Variants in TATDN2 observed in about 807,000 individuals in gnomAD.
The protein encoded by TATDN2 is 3'-5' RNA nuclease TATDN2.
TATDN2 carries 44 observed loss-of-function variants against 60.3 expected under a neutral mutation model. The observed-to-expected ratio is 0.73, with a 90% confidence interval of 0.57 to 0.94. The LOEUF (loss-of-function observed/expected upper bound fraction) is 0.94, where lower values mean the gene tolerates loss of function less well. TATDN2 is among the 40% of genes least tolerant of loss of function. The pLI, the probability that TATDN2 is intolerant of heterozygous loss-of-function variation, is 0.00. For synonymous variants in TATDN2, 399 were observed against 355.8 expected (o/e 1.12, Z -1.37); for missense variants, 997 against 948.0 (o/e 1.05, Z -0.68).
intron 4 of TATDN2, among the ~76,000 whole-genome samples, chr3:10,271,412 C>T (rs1334685371): frequency 6.6e-6 from 1 of 152,170 alleles, no homozygotes; most frequent in Non-Finnish European, 1.5e-5. Context: ...CTCCTGGGTT[C>T]AAACTGTTTT....
intron 4 of TATDN2, among the ~76,000 whole-genome samples, chr3:10,273,231 G>T (rs1698591307): frequency 6.6e-6 from 1 of 152,172 alleles, no homozygotes; most frequent in Non-Finnish European, 1.5e-5. Flanking sequence ...TGCCTGTAAA[G>T]GGGAGGAAGA....
At chr3:10,273,573 TAGTG>T (rs1698595862) in intron 4 of TATDN2, among the ~76,000 whole-genome samples, 2 of 148,632 alleles carry the variant, frequency 1.3e-5, no homozygotes, top group South Asian at 2.2e-4. Context: ...CAAGGCAACA[TAGTG>T]AGACCCCATC....
At chr3:10,268,193 C>T (rs1328942499) in intron 3 of TATDN2, among the ~76,000 whole-genome samples, 1 of 152,190 alleles carries the variant, frequency 6.6e-6, no homozygotes, top group Non-Finnish European at 1.5e-5. Flanking sequence ...ATATTTCTGC[C>T]ATTCAAGCAG....
intron 2 of TATDN2, among the ~76,000 whole-genome samples, chr3:10,253,018 G>A (rs1047215493): frequency 6.6e-6 from 1 of 152,002 alleles, no homozygotes; most frequent in Non-Finnish European, 1.5e-5. Flanking sequence ...CACCATGTCC[G>A]GCTAATTTTT....
intron 3 of TATDN2, among the ~76,000 whole-genome samples, chr3:10,268,709 T>A (rs1292082074): frequency 6.6e-6 from 1 of 152,212 alleles, no homozygotes; most frequent in Non-Finnish European, 1.5e-5. Flanking sequence ...TTGATGGAGA[T>A]GTGATGCTAA....
At chr3:10,258,070 C>G (rs968481151) in intron 2 of TATDN2, among the ~76,000 whole-genome samples, 2 of 150,392 alleles carry the variant, frequency 1.3e-5, no homozygotes, top group Non-Finnish European at 3.0e-5. Context: ...CTGTGTTAGC[C>G]AGGATGGTCT....
chr3:10,252,452 T>A (rs1698245064), intron 2 of TATDN2, among the ~76,000 whole-genome samples: 1 of 152,170 alleles, frequency 6.6e-6, no homozygotes, highest in African/African-American at 2.4e-5. Flanking sequence ...GGAGTATATG[T>A]TTGTCAGTTT....
At chr3:10,267,270 C>T (rs1037458926) in intron 3 of TATDN2, among the ~76,000 whole-genome samples, 6 of 149,930 alleles carry the variant, frequency 4.0e-5, no homozygotes, top group Non-Finnish European at 8.9e-5. Flanking sequence ...CCACACCCCC[C>T]GACAAAAAAA....
At chr3:10,276,591 C>G (rs1698641391) in intron 5 of TATDN2, 103 bp downstream of exon 5, 4 of 1,108,942 alleles carry the variant, frequency 3.6e-6, no homozygotes, top group African/African-American at 3.3e-5. Flanking sequence ...ACTATCTATT[C>G]TTTTTTTTTT....
intron 2 of TATDN2, among the ~76,000 whole-genome samples, chr3:10,250,727 T>C (rs1698222950): frequency 2.6e-5 from 4 of 152,182 alleles, no homozygotes; most frequent in Admixed American, 6.5e-5. Context: ...TCTTTTTAAA[T>C]TCACAAATAA....
intron 4 of TATDN2, among the ~76,000 whole-genome samples, chr3:10,274,869 T>A (rs569450161): frequency 6.6e-6 from 1 of 152,292 alleles, no homozygotes; most frequent in Non-Finnish European, 1.5e-5. Flanking sequence ...ATCACCTGAC[T>A]CAAATTACAA....
intron 2 of TATDN2, among the ~76,000 whole-genome samples, chr3:10,250,101 G>C (rs2270453): frequency 0.23 from 35,268 of 151,662 alleles, 4,731 homozygotes; most frequent in Middle Eastern, 0.36. Flanking sequence ...AAGAATTGCG[G>C]TTCTTGGTGT....
intron 2 of TATDN2, among the ~76,000 whole-genome samples, chr3:10,255,955 AT>A (rs1241378215): frequency 1.3e-5 from 2 of 152,192 alleles, no homozygotes; most frequent in African/African-American, 4.8e-5. Context: ...AATAGAATTT[AT>A]GACTCCAGTC....
chr3:10,268,595 G>A (rs1183019068), intron 3 of TATDN2, among the ~76,000 whole-genome samples: 1 of 152,104 alleles, frequency 6.6e-6, no homozygotes, highest in Non-Finnish European at 1.5e-5. Context: ...CACAATTCCG[G>A]GGAGAGTTAA....
intron 3 of TATDN2, among the ~76,000 whole-genome samples, chr3:10,267,046 A>C (rs1698487779): frequency 1.3e-5 from 2 of 150,242 alleles, no homozygotes; most frequent in African/African-American, 4.9e-5. Flanking sequence ...CAGCCTCCCG[A>C]GCAGCTGGGG....
At chr3:10,272,090 G>T (rs1698575193) in intron 4 of TATDN2, among the ~76,000 whole-genome samples, 1 of 152,082 alleles carries the variant, frequency 6.6e-6, no homozygotes, top group Non-Finnish European at 1.5e-5. Context: ...CAGGGTAAGA[G>T]TTGTAGTATT....
chr3:10,250,168 GTTTT>G (rs34201858), intron 2 of TATDN2, among the ~76,000 whole-genome samples: 41 of 138,142 alleles, frequency 3.0e-4, no homozygotes, highest in African/African-American at 1.1e-3. Context: ...GGTGGTGCTA[GTTTT>G]TTTTTTTTTT....
In TATDN2 at chr3:10,249,047, C is replaced by T. The variant is rs1698177446; in HGVS notation, c.-27C>T. On this transcript the variant is annotated 5_prime_UTR_variant, in exon 1 of 8. Transcript: ENST00000448281. ...CTGAAACCTTGAGAACTGTGATGGG[C>T]AGTGGAAAGAAGAGGGAAAGGTCAG... 2 of 812,474 alleles carry T rather than the reference C, an allele frequency of 2.5e-6. No individual in the cohort carries two copies. Among genetic ancestry groups the T allele is most frequent in the South Asian group, 5.6e-5 (2 of 35,428 alleles). 50.3% of individuals were successfully genotyped at this position (812,474 alleles called of 1,614,324 possible). A position where few individuals can be genotyped will look rare whatever the true frequency, so the allele number is the denominator to read the frequency against.
At chr3:10,254,030 G>C (rs1698267709) in intron 2 of TATDN2, among the ~76,000 whole-genome samples, 1 of 152,248 alleles carries the variant, frequency 6.6e-6, no homozygotes, top group Non-Finnish European at 1.5e-5. Context: ...TCTGCAGGGT[G>C]AGTTAGCCCA....
Sources: allele counts gnomAD v4.1 joint callset (sites outside exome capture counted in the v4.1 genomes callset), GRCh38; gene constraint gnomAD v4.1.1; transcripts MANE v1.5; gene names NCBI Gene and HGNC (gene_info 2026-07-23, HGNC 2026-07-21).